Variants in ABCA3 observed in about 807,000 individuals in gnomAD.
The protein encoded by ABCA3 is ATP binding cassette subfamily A member 3, also known as phospholipid-transporting ATPase ABCA3.
A neutral mutation model predicts 172.8 loss-of-function variants in ABCA3; 88 were observed. The ratio of observed to expected loss-of-function variants is 0.51; its 90% confidence interval spans 0.43 to 0.61. ABCA3 has a LOEUF of 0.61. Ranked by LOEUF, ABCA3 falls within the 20% of genes least tolerant of loss-of-function variation. The pLI is 0.00. For synonymous variants in ABCA3, 1,066 were observed against 983.8 expected, an observed-to-expected ratio of 1.08 and a Z score of -1.56; for missense variants, 2,164 against 2,301.0, an observed-to-expected ratio of 0.94 and a Z score of 1.22.
At position 2,279,010 on chromosome 16, in the gene ABCA3, A is replaced by G; in HGVS notation, c.4480T>C (p.Cys1494Arg). The G allele has an allele frequency of 6.2e-7, 1 of 1,613,562 alleles. No homozygotes were observed. Among genetic ancestry groups the G allele is most frequent in the Non-Finnish European group, 8.5e-7 (1 of 1,180,030 alleles). ...AGGCCCCGCAGAGTGTTCTCCACGC[A>G]GGCCCCGATGTGGCGCTCAGGGATG... ...RGIPERHIGA[C>R]VENTLRGLLL... The change falls in exon 29 of 33, where the codon TGC (cysteine) becomes CGC (arginine). Residue 1494 changes from cysteine to arginine, a missense_variant. Around this residue, in one of 3 missense-constraint regions of ABCA3, gnomAD observed 795 missense variants for 881.9 expected, o/e 0.90. Coordinates refer to ENST00000301732, the MANE Select transcript of ABCA3 (RefSeq NM_001089.3). This position sits in a 1 kb window ranked among gnomAD's most constrained non-coding sequence, Gnocchi z 4.4.
At chr16:2,338,282 C>T (rs1402644934) in intron 1 of ABCA3, among the ~76,000 whole-genome samples, 2 of 152,210 alleles carry the variant, frequency 1.3e-5, no homozygotes, top group Non-Finnish European at 2.9e-5. Flanking sequence ...CAGGACAGGG[C>T]CTGACATGCC....
chr16:2,317,293 G>A lies in ABCA3; in HGVS notation c.1101C>T (p.Phe367=). 1 of 1,614,050 alleles carries A rather than the reference G, an allele frequency of 6.2e-7. No individual in the cohort carries two copies. The highest frequency in any genetic ancestry group is 8.5e-7 in the Non-Finnish European group (1 of 1,180,012). Residue 367 remains phenylalanine, a synonymous_variant, in exon 10 of 33, where the codon TTC becomes TTT. Transcript: ENST00000301732. ...ATGACTGGGGCTCACCTTTGCTGAA[G>A]AAGGTGCTGACCATGAAGCTGAAGG... The part of the protein sequence containing the change: ...TISFSFMVST[F]FSKANMAAAF...
At chr16:2,334,588 T>C (rs933354035) in intron 1 of ABCA3, among the ~76,000 whole-genome samples, 6 of 150,938 alleles carry the variant, frequency 4.0e-5, no homozygotes, top group African/African-American at 1.5e-4. Flanking sequence ...CTTGGCTCAA[T>C]GCAACCTCCG....
chr16:2,313,146 G>C (rs2093709208), intron 10 of ABCA3, among the ~76,000 whole-genome samples: 1 of 152,248 alleles, frequency 6.6e-6, no homozygotes, highest in East Asian at 1.9e-4. Context: ...GATAAGTATG[G>C]CTTGGTGTCT....
Position 2,277,492 on chromosome 16 carries a change from G to T in ABCA3, c.4983+105C>A. The stretch of plus-strand genomic sequence containing the variant: ...GAGTGTTAGGGGAGAAATGGAAAGT[G>T]ACTCCTCTGTGGAAAGAGCCTGCAG... On this transcript the variant is annotated intron_variant, in intron 32 of 32. Transcript: ENST00000301732. This position sits in a 1 kb window ranked among gnomAD's most constrained non-coding sequence, Gnocchi z 5.3. 8.3e-7 allele frequency: 1 copy of T among 1,200,200 alleles called. No individual in the cohort carries two copies. Among genetic ancestry groups the T allele is most frequent in the South Asian group, 1.3e-5 (1 of 77,836 alleles). The allele number at this position is 1,200,200 out of a possible 1,614,324, so 74.3% of individuals were successfully genotyped here.
chr16:2,297,695 G>C lies in ABCA3; in HGVS notation c.2052+71C>G. On this transcript the variant is annotated intron_variant, in intron 16 of 32. Coordinates refer to ENST00000301732, the MANE Select transcript of ABCA3 (RefSeq NM_001089.3). This position sits in a 1 kb window ranked among gnomAD's most constrained non-coding sequence, Gnocchi z 5.6. ...TGGGGTGTCAAGGGCCAAGGTGCCCGGGCCATGGCGGAAGGGCCATCCCAG... is the reference window on the plus strand; with the variant it reads ...TGGGGTGTCAAGGGCCAAGGTGCCCCGGCCATGGCGGAAGGGCCATCCCAG... The C allele has an allele frequency of 1.9e-6, 3 of 1,599,156 alleles. No individual in the cohort carries two copies. In the South Asian group the frequency reaches 3.3e-5, roughly 18 times the overall value.
chr16:2,326,550 G>C, intron 3 of ABCA3, 58 bp from the exon 4 acceptor site: 2 of 1,533,686 alleles, frequency 1.3e-6, no homozygotes, highest in African/African-American at 2.7e-5. Context: ...GCAGAGTGGG[G>C]ATTTGGGGAA....
At chr16:2,325,717 T>C (rs938413359) in intron 5 of ABCA3, among the ~76,000 whole-genome samples, 4 of 152,194 alleles carry the variant, frequency 2.6e-5, no homozygotes, top group African/African-American at 9.6e-5. Flanking sequence ...GTGCATTTTC[T>C]AACCTGTTCT....
intron 12 of ABCA3, among the ~76,000 whole-genome samples, chr16:2,303,386 C>T (rs1447329190): frequency 2.6e-5 from 4 of 151,802 alleles, no homozygotes; most frequent in East Asian, 1.9e-4. Context: ...CTCAGCCTCC[C>T]GAGTAGCTGG....
At position 2,324,316 on chromosome 16, in the gene ABCA3, T is replaced by G. The variant is rs1596865185; in HGVS notation, c.447+88A>C. The G allele has an allele frequency of 4.0e-6, 6 of 1,512,702 alleles. No individual in the cohort carries two copies. In the East Asian group the frequency reaches 1.5e-4, roughly 37 times the overall value. The allele number at this position is 1,512,702 out of a possible 1,614,324, so 93.7% of individuals were successfully genotyped here. A position where few individuals can be genotyped will look rare whatever the true frequency, so the allele number is the denominator to read the frequency against. ...CAGGCAGAGGTTTAAGGGAAAGCAG[T>G]GCCTTTTACAGGTTGAACTAGTGAC... On this transcript the variant is annotated intron_variant, in intron 6 of 32. Coordinates refer to ENST00000301732, the MANE Select transcript of ABCA3 (RefSeq NM_001089.3).
Position 2,313,570 on chromosome 16 carries a change from A to G in ABCA3, c.1111+3713T>C, listed in dbSNP as rs1025315374. On this transcript the variant is annotated intron_variant, in intron 10 of 32. Transcript: ENST00000301732. ...TCTGTCACAAAAAAAAAAAAAAAAA[A>G]AAGAAGAAAGGGGGTTGTAAAAGTA... 6.2e-3 allele frequency among the ~76,000 whole-genome samples: 934 copies of G among 150,626 alleles called. 1 individual carries two copies. The highest frequency in any genetic ancestry group is 0.01 in the Non-Finnish European group (697 of 67,674).
intron 12 of ABCA3, 95 bp downstream of exon 12, chr16:2,303,874 G>A (rs1360566211): frequency 4.3e-6 from 6 of 1,405,810 alleles, no homozygotes; most frequent in Non-Finnish European, 6.0e-6. Flanking sequence ...CGCAGGTGCT[G>A]CATGCTGGGG....
chr16:2,283,051 G>A lies in ABCA3; in HGVS notation c.4035+135C>T. ...GCTGTAAGTGCCGGCTGGTGCTGAG[G>A]CCGTACAGTGGGAGACCATCTGGTG... is the stretch of plus-strand genomic sequence containing the variant. On this transcript the variant is annotated intron_variant, in intron 26 of 32. Transcript: ENST00000301732. The surrounding 1 kb of genome is among the most constrained non-coding windows in gnomAD (Gnocchi z 5.4). 9.7e-7 allele frequency: 1 copy of A among 1,030,192 alleles called. No homozygotes were observed. Among genetic ancestry groups the A allele is most frequent in the Middle Eastern group, 2.9e-4 (1 of 3,438 alleles). 63.8% of individuals were successfully genotyped at this position (1,030,192 alleles called of 1,614,324 possible).
chr16:2,292,476 T>C (rs764824507), intron 18 of ABCA3, among the ~76,000 whole-genome samples: 5 of 152,000 alleles, frequency 3.3e-5, no homozygotes, highest in Non-Finnish European at 7.4e-5. Context: ...AGCAGGTGCC[T>C]GTAGTCCCAG....
intron 7 of ABCA3, 98 bp from the exon 8 acceptor site, chr16:2,319,938 G>A (rs2093723235): frequency 6.5e-7 from 1 of 1,534,620 alleles, no homozygotes; most frequent in African/African-American, 1.4e-5. Context: ...GAGATGCTTG[G>A]GGCAACAGAG....
At position 2,298,457 on chromosome 16, in the gene ABCA3, C is replaced by T. The variant is rs774787877; in HGVS notation, c.1825G>A (p.Gly609Ser). The T allele has an allele frequency of 5.6e-6, 9 of 1,613,988 alleles. No homozygotes were observed. The highest frequency in any genetic ancestry group is 4.4e-5 in the South Asian group (4 of 91,090). The change falls in exon 15 of 33, where the codon GGC (glycine) becomes AGC (serine). Residue 609 changes from glycine (G) to serine (S), a missense_variant. This residue lies in a region of ABCA3 where 1,343 missense variants were observed against 1,369.6 expected (regional missense o/e 0.98). Coordinates refer to ENST00000301732, the MANE Select transcript of ABCA3 (RefSeq NM_001089.3). The stretch of plus-strand genomic sequence containing the variant: ...AGGATGTCGTGCTGCGGGCACAGGC[C>T]CAGGCTCTTCCGGATCTGAACCATG... The part of the protein sequence containing the change: ...QDMVQIRKSL[G>S]LCPQHDILFD...
At chr16:2,308,694 A>T in intron 10 of ABCA3, 71 bp from the exon 11 acceptor site, 1 of 1,581,824 alleles carries the variant, frequency 6.3e-7, no homozygotes, top group Non-Finnish European at 8.6e-7. Flanking sequence ...TCCCCGAGGT[A>T]CAGGCAACCC....
Position 2,278,174 on chromosome 16 carries a change from G to C in ABCA3, c.4719-105C>G, listed in dbSNP as rs1363177814. 5 of 1,596,634 alleles carry C rather than the reference G, an allele frequency of 3.1e-6. No individual in the cohort carries two copies. In the African/African-American group the frequency reaches 6.7e-5, roughly 21 times the overall value. On this transcript the variant is annotated intron_variant, in intron 30 of 32. Transcript: ENST00000301732. The surrounding 1 kb of genome is among the most constrained non-coding windows in gnomAD (Gnocchi z 4.4). ...AGGCTGTTCCTGATACCCATGCTCAGTGTGGCTCACGGGCAGACTCTGCAC... is the reference window on the plus strand; with the variant it reads ...AGGCTGTTCCTGATACCCATGCTCACTGTGGCTCACGGGCAGACTCTGCAC...
At position 2,304,078 on chromosome 16, in the gene ABCA3, A is replaced by G; in HGVS notation, c.1358T>C (p.Leu453Pro). 2 of 1,614,180 alleles carry G rather than the reference A, an allele frequency of 1.2e-6. No homozygotes were observed. The highest frequency in any genetic ancestry group is 1.7e-6 in the Non-Finnish European group (2 of 1,180,032). The change falls in exon 12 of 33, where the codon CTG becomes CCG. Residue 453 changes from leucine (L) to proline (P), a missense_variant. By Grantham distance (98) the Leu-to-Pro change is moderately conservative. Around this residue, in one of 3 missense-constraint regions of ABCA3, gnomAD observed 1,343 missense variants for 1,369.6 expected, o/e 0.98. Coordinates refer to ENST00000301732, the MANE Select transcript of ABCA3 (RefSeq NM_001089.3). ...CACAGAGTCCAGCAGCAGCATCCCC[A>G]GCACCTGCCCGAAGCAGAAGTCGTC... is the stretch of plus-strand genomic sequence containing the variant. ...VDDDFCFGQV[L>P]GMLLLDSVLY...
Sources: allele counts gnomAD v4.1 joint callset (sites outside exome capture counted in the v4.1 genomes callset), GRCh38; gene constraint gnomAD v4.1.1; regional missense constraint gnomAD v4.1.1; non-coding constraint Gnocchi (gnomAD v3.1); transcripts MANE v1.5; gene names NCBI Gene and HGNC (gene_info 2026-07-23, HGNC 2026-07-21).